Variants in DENND2C observed in about 807,000 individuals in gnomAD.
DENND2C encodes the protein DENN domain containing 2C, also known as DENN domain-containing protein 2C.
A neutral mutation model predicts 112.4 loss-of-function variants in DENND2C; 72 were observed. The observed-to-expected ratio is 0.64, with a 90% CI of 0.53 to 0.78. DENND2C has a LOEUF of 0.78. DENND2C is among the 30% of genes least tolerant of loss of function. The pLI is 0.00. For synonymous variants in DENND2C, 329 were observed against 381.6 expected (o/e 0.86, Z 1.61); for missense variants, 992 against 1,113.8 (o/e 0.89, Z 1.56).
At chr1:114,622,920 C>T (rs1332292814) in intron 6 of DENND2C, 67 bp downstream of exon 6, 8 of 1,269,828 alleles carry the variant, frequency 6.3e-6, no homozygotes, top group Non-Finnish European at 8.9e-6. Flanking sequence ...GTTAAATCCC[C>T]TTAATCTTTT....
intron 2 of DENND2C, among the ~76,000 whole-genome samples, chr1:114,647,720 C>A (rs527926242): frequency 6.6e-6 from 1 of 151,930 alleles, no homozygotes; most frequent in African/African-American, 2.4e-5. Context: ...TACGCCTGAC[C>A]TGTATAGCAT....
intron 18 of DENND2C, among the ~76,000 whole-genome samples, chr1:114,590,443 C>A (rs1434970593): frequency 6.6e-6 from 1 of 152,024 alleles, no homozygotes; most frequent in Non-Finnish European, 1.5e-5. Flanking sequence ...GATATTCACC[C>A]TGCTTTTAGT....
Position 114,625,538 on chromosome 1 carries a change from C to T in DENND2C, c.447G>A (p.Leu149=). ...PPGNFYTSQI[L]WKKIEALPPD... Reference sequence around the variant, plus strand: ...GGGGAAGTGCTTCTATTTTCTTCCACAGTATTTGTGAGGTATAGAAGTTTC... The same window carrying T: ...GGGGAAGTGCTTCTATTTTCTTCCATAGTATTTGTGAGGTATAGAAGTTTC... Residue 149 remains leucine, a synonymous_variant, in exon 4 of 21, where the codon CTG becomes CTA. Transcript: ENST00000393274. 2.5e-6 allele frequency: 4 copies of T among 1,614,040 alleles called. No individual in the cohort carries two copies. The highest frequency in any genetic ancestry group is 3.4e-6 in the Non-Finnish European group (4 of 1,179,994).
chr1:114,655,878 G>GTGTATATATA (rs1553238216), intron 1 of DENND2C, among the ~76,000 whole-genome samples: 11 of 19,942 alleles, frequency 5.5e-4, no homozygotes, highest in African/African-American at 2.1e-3. Context: ...ATATATATAT[G>GTGTATATATA]TATAAATATA....
At chr1:114,641,963 A>T (rs58417064) in intron 3 of DENND2C, among the ~76,000 whole-genome samples, 7,789 of 151,850 alleles carry the variant, frequency 0.051, 226 homozygotes, top group South Asian at 0.086. Context: ...ATATATATAT[A>T]TTTTTTTGAG....
At chr1:114,651,119 A>G (rs548520564) in intron 2 of DENND2C, among the ~76,000 whole-genome samples, 16 of 151,912 alleles carry the variant, frequency 1.1e-4, no homozygotes, top group Non-Finnish European at 2.2e-4. Flanking sequence ...CCATCTCAAA[A>G]CAAAACAAAA....
At chr1:114,641,299 C>T (rs1313664488) in intron 3 of DENND2C, among the ~76,000 whole-genome samples, 2 of 150,908 alleles carry the variant, frequency 1.3e-5, no homozygotes, top group Admixed American at 6.6e-5. Context: ...GAAAAAAAAT[C>T]GCTTTGAACT....
At chr1:114,649,441 CAT>C (rs1221520817) in intron 2 of DENND2C, among the ~76,000 whole-genome samples, 1 of 152,058 alleles carries the variant, frequency 6.6e-6, no homozygotes, top group Admixed American at 6.6e-5. Flanking sequence ...ACGGTGTGAT[CAT>C]AGTTTACTGC....
At chr1:114,632,252 A>C (rs1354986523) in intron 3 of DENND2C, among the ~76,000 whole-genome samples, 1 of 152,160 alleles carries the variant, frequency 6.6e-6, no homozygotes, top group Non-Finnish European at 1.5e-5. Context: ...TCAAGTAATA[A>C]CAGATGAAAA....
At chr1:114,661,055 G>A (rs1657475082) in intron 1 of DENND2C, among the ~76,000 whole-genome samples, 1 of 148,852 alleles carries the variant, frequency 6.7e-6, no homozygotes, top group South Asian at 2.1e-4. Context: ...AGGTTGCAGT[G>A]AGCCGGTATT....
At chr1:114,657,864 AAGAGG>A (rs1657377292) in intron 1 of DENND2C, among the ~76,000 whole-genome samples, 1 of 152,166 alleles carries the variant, frequency 6.6e-6, no homozygotes. Flanking sequence ...GGAGTCGCTA[AAGAGG>A]AGAGAAGAAA....
At chr1:114,663,755 A>G (rs1362591256) in intron 1 of DENND2C, among the ~76,000 whole-genome samples, 1 of 152,228 alleles carries the variant, frequency 6.6e-6, no homozygotes, top group Middle Eastern at 3.2e-3. Context: ...TTCAAATTTC[A>G]GTGTCCATAA....
intron 16 of DENND2C, 69 bp downstream of exon 16, chr1:114,599,205 C>T: frequency 2.5e-6 from 3 of 1,207,044 alleles, no homozygotes; most frequent in Non-Finnish European, 3.4e-6. Context: ...ATAACAATTC[C>T]ACCACTCTTA....
chr1:114,627,131 C>T (rs1656365417), intron 3 of DENND2C, among the ~76,000 whole-genome samples: 1 of 152,194 alleles, frequency 6.6e-6, no homozygotes, highest in Admixed American at 6.5e-5. Flanking sequence ...ATCTATGCTA[C>T]CACACCCTTG....
At chr1:114,599,863 A>C (rs1029587303) in intron 15 of DENND2C, among the ~76,000 whole-genome samples, 1 of 151,370 alleles carries the variant, frequency 6.6e-6, no homozygotes, top group Non-Finnish European at 1.5e-5. Flanking sequence ...CTGATCCTAC[A>C]TTTCAAAAAT....
intron 3 of DENND2C, among the ~76,000 whole-genome samples, chr1:114,626,704 G>C (rs1268909746): frequency 2.6e-5 from 4 of 151,738 alleles, no homozygotes; most frequent in Admixed American, 1.3e-4. Context: ...TAGAGACGGA[G>C]TTTCTCCATG....
chr1:114,625,653 T>A lies in DENND2C; in HGVS notation c.332A>T (p.Glu111Val), dbSNP rs775379936. The A allele has an allele frequency of 7.4e-6, 12 of 1,614,186 alleles. No individual in the cohort carries two copies. The highest frequency in any genetic ancestry group is 3.4e-6 in the Non-Finnish European group (4 of 1,180,032). ...AGAACATACCCAGTTGGATTCTGAT[T>A]CATTTTTAAAGAAGTGTGTATCGTC... ...EYDDTHFFKN[E>V]SESNWVCSRV... Residue 111 changes from glutamate to valine, a missense_variant, in exon 4 of 21, where the codon GAA (glutamate) becomes GTA (valine). Glu to Val is a moderately radical substitution (Grantham distance 121). This residue lies in a region of DENND2C where 470 missense variants were observed against 472.7 expected (regional missense o/e 0.99). Coordinates refer to ENST00000393274, the MANE Select transcript of DENND2C (RefSeq NM_001256404.2).
At chr1:114,621,592 G>T (rs1656167361) in intron 7 of DENND2C, among the ~76,000 whole-genome samples, 1 of 152,162 alleles carries the variant, frequency 6.6e-6, no homozygotes, top group South Asian at 2.1e-4. Context: ...CTGAGAGAAC[G>T]CCCTTTTATA....
intron 1 of DENND2C, among the ~76,000 whole-genome samples, chr1:114,661,384 A>G (rs1446677733): frequency 6.6e-6 from 1 of 152,168 alleles, no homozygotes; most frequent in Non-Finnish European, 1.5e-5. Context: ...TTTTCAAGAG[A>G]TATGTAGCCA....
Sources: gnomAD v4.1 joint callset for allele counts (sites outside exome capture counted in the v4.1 genomes callset) on GRCh38, gnomAD v4.1.1 for gene constraint, gnomAD v4.1.1 regional missense constraint, MANE v1.5 for transcripts, NCBI Gene and HGNC (gene_info 2026-07-23, HGNC 2026-07-21) for gene names.